PACS2: variants seen among roughly 807,000 people sequenced by gnomAD.
PACS2 encodes PACS1-like protein.
PACS2 carries 36 observed loss-of-function variants against 113.0 expected under a neutral mutation model. The observed-to-expected ratio is 0.32, with a 90% confidence interval of 0.24 to 0.42. PACS2 has a LOEUF of 0.42. Ranked by LOEUF, PACS2 falls within the 10% of genes least tolerant of loss-of-function variation. The pLI, the probability that PACS2 is intolerant of heterozygous loss-of-function variation, is 1.00. For missense variants in PACS2, 1,015 were observed against 1,239.5 expected, an observed-to-expected ratio of 0.82 and a Z score of 2.72; for synonymous variants, 589 against 536.1, an observed-to-expected ratio of 1.10 and a Z score of -1.36.
At chr14:105,350,976 C>T (rs936985131) in intron 2 of PACS2, among the ~76,000 whole-genome samples, 8 of 152,334 alleles carry the variant, frequency 5.3e-5, no homozygotes, top group African/African-American at 9.6e-5. Flanking sequence ...CCGCCATGGA[C>T]GTCTCATGGA....
At chr14:105,344,631 G>A (rs1464050024) in intron 1 of PACS2, among the ~76,000 whole-genome samples, 2 of 152,004 alleles carry the variant, frequency 1.3e-5, no homozygotes, top group Non-Finnish European at 2.9e-5. Flanking sequence ...TTCTGATAAT[G>A]GCAACTTTTG....
chr14:105,310,545 A>G, upstream of PACS2, among the ~76,000 whole-genome samples: 1 of 150,518 alleles, frequency 6.6e-6, no homozygotes, highest in African/African-American at 2.4e-5. Flanking sequence ...AAAAAAAAAA[A>G]AAAAAAAAAA....
chr14:105,368,141 G>A lies in PACS2; in HGVS notation c.654G>A (p.Gln218=). Residue 218 remains glutamine, a synonymous_variant, in exon 6 of 25, where the codon CAG becomes CAA. Transcript: ENST00000447393. ...AGGAGGCCAGTGACGACGCCGTGCA[G>A]GGGCAGGTGACCTGGGGCCGGGGCT... is the stretch of plus-strand genomic sequence containing the variant. ...SEQEASDDAV[Q]GQDLDEDDFD... is the part of the protein sequence containing the mutation. 6.2e-7 allele frequency: 1 copy of A among 1,606,798 alleles called. No individual in the cohort carries two copies. The highest frequency in any genetic ancestry group is 8.5e-7 in the Non-Finnish European group (1 of 1,176,224).
At position 105,368,101 on chromosome 14, in the gene PACS2, G is replaced by A; in HGVS notation, c.614G>A (p.Ser205Asn). 6.2e-7 allele frequency: 1 copy of A among 1,611,086 alleles called. No individual in the cohort carries two copies. The highest frequency in any genetic ancestry group is 8.5e-7 in the Non-Finnish European group (1 of 1,178,038). Residue 205 changes from serine (S) to asparagine (N), a missense_variant, in exon 6 of 25, where the codon AGC (serine) becomes AAC (asparagine). Coordinates refer to ENST00000447393, the MANE Select transcript of PACS2 (RefSeq NM_001100913.3). ...TDNYSEEEYE[S>N]FSSEQEASDD... ...AACTACTCCGAGGAGGAGTATGAGAGCTTCTCCTCCGAGCAGGAGGCCAGT... is the reference window on the plus strand; with the variant it reads ...AACTACTCCGAGGAGGAGTATGAGAACTTCTCCTCCGAGCAGGAGGCCAGT...
chr14:105,392,111 T>C, intron 22 of PACS2: 1 of 367,200 alleles, frequency 2.7e-6, no homozygotes, highest in South Asian at 3.7e-5. Flanking sequence ...CCTCATGGGA[T>C]GAGCTTCGAT....
rs781944618 is a variant in PACS2, at chr14:105,382,060, T to C, written c.1413+2T>C. The C allele has an allele frequency of 5.8e-6, 9 of 1,547,196 alleles. No homozygotes were observed. In the East Asian group the frequency reaches 1.2e-4, roughly 21 times the overall value. On this transcript the variant is annotated splice_donor_variant, in intron 13 of 24. Coordinates refer to ENST00000447393, the MANE Select transcript of PACS2 (RefSeq NM_001100913.3). LOFTEE classifies it high-confidence loss of function. ...AGCCAGCTACAGGTGCAGCTGCAGG[T>C]GGGGGTGGAGGGCGTGGCACGCCCA...
At chr14:105,349,276 C>T (rs587744875) in intron 2 of PACS2, among the ~76,000 whole-genome samples, 7 of 152,368 alleles carry the variant, frequency 4.6e-5, no homozygotes, top group South Asian at 2.1e-4. Flanking sequence ...CCACCGCCAG[C>T]GGGCTCTCCC....
At chr14:105,379,980 G>A in intron 10 of PACS2, 100 bp from the exon 11 acceptor site, 1 of 1,336,462 alleles carries the variant, frequency 7.5e-7, no homozygotes, top group Non-Finnish European at 1.1e-6. Context: ...TGCCACGCAG[G>A]TACCCCGGGC....
At chr14:105,314,580 T>C (rs899819188), upstream of PACS2, 9 of 144,466 alleles carry the variant, frequency 6.2e-5, no homozygotes, top group South Asian at 4.2e-4. Context: ...CGCACCTCAC[T>C]TCCGGCGCGC....
intron 4 of PACS2, among the ~76,000 whole-genome samples, chr14:105,360,621 G>A (rs1349941821): frequency 5.9e-5 from 9 of 152,032 alleles, no homozygotes; most frequent in Non-Finnish European, 1.0e-4. Context: ...GCTGGTGGGG[G>A]TCCTTAGTGT....
chr14:105,384,941 C>A lies in PACS2; in HGVS notation c.1954C>A (p.His652Asn). The A allele has an allele frequency of 6.2e-7, 1 of 1,600,242 alleles. No individual in the cohort carries two copies. The highest frequency in any genetic ancestry group is 1.7e-5 in the Admixed American group (1 of 58,376). ...TQYIAGANCAHQLPIAEAMLT... is the reference protein window; with the variant it reads ...TQYIAGANCANQLPIAEAMLT... ...GTACATCGCAGGGGCCAACTGTGCC[C>A]ACCAGCTCCCCATCGCAGAGGCCAT... is the stretch of plus-strand genomic sequence containing the variant. Residue 652 changes from histidine (H) to asparagine (N), a missense_variant, in exon 18 of 25, where the codon CAC (histidine) becomes AAC (asparagine). Around this residue, in one of 3 missense-constraint regions of PACS2, gnomAD observed 859 missense variants for 1,056.8 expected, o/e 0.81. Coordinates refer to ENST00000447393, the MANE Select transcript of PACS2 (RefSeq NM_001100913.3).
At position 105,376,255 on chromosome 14, in the gene PACS2, G is replaced by A. The variant is rs1455220510; in HGVS notation, c.802-513G>A. On this transcript the variant is annotated intron_variant, in intron 8 of 24. Coordinates refer to ENST00000447393, the MANE Select transcript of PACS2 (RefSeq NM_001100913.3). The surrounding 1 kb of genome is among the most constrained non-coding windows in gnomAD (Gnocchi z 4.7). ...AACATGAAGTGTGCCACGCTGGGTG[G>A]ATGACGCCCTCCTCCCCCCGCCACC... Among the ~76,000 whole-genome samples, 1 of 151,682 alleles carries A rather than the reference G, an allele frequency of 6.6e-6. No homozygotes were observed. The highest frequency in any genetic ancestry group is 1.9e-4 in the East Asian group (1 of 5,158).
Position 105,387,786 on chromosome 14 carries a change from T to TG in PACS2, c.2033+2076dup, listed in dbSNP as rs587655780. 1.2e-3 allele frequency among the ~76,000 whole-genome samples: 185 copies of TG among 152,238 alleles called. 1 individual carries two copies. The highest frequency in any genetic ancestry group is 4.4e-3 in the African/African-American group (181 of 41,540). ...GGCCAGCCTGCCATGGCTGGCTCGG[T>TG]GGGGGGGTCTGGCTCGGCAGAGGGC... is the stretch of plus-strand genomic sequence containing the variant. On this transcript the variant is annotated intron_variant, in intron 19 of 24. Transcript: ENST00000447393.
chr14:105,333,843 A>G (rs1171794032), intron 1 of PACS2, among the ~76,000 whole-genome samples: 2 of 152,196 alleles, frequency 1.3e-5, no homozygotes, highest in Non-Finnish European at 2.9e-5. Flanking sequence ...GGAGGCCTGC[A>G]GTGTGAGGCG....
chr14:105,379,698 C>A, intron 9 of PACS2, 41 bp from the exon 10 acceptor site: 1 of 1,535,990 alleles, frequency 6.5e-7, no homozygotes, highest in South Asian at 1.1e-5. Flanking sequence ...AAGAAGGGTC[C>A]TGGAAATTAA....
intron 2 of PACS2, among the ~76,000 whole-genome samples, chr14:105,351,337 T>C (rs2060170754): frequency 6.6e-6 from 1 of 152,242 alleles, no homozygotes; most frequent in African/African-American, 2.4e-5. Flanking sequence ...TGACTCGTTA[T>C]CCATTTAGCA....
At chr14:105,391,828 C>T in intron 22 of PACS2, 62 bp downstream of exon 22, 2 of 1,479,556 alleles carry the variant, frequency 1.4e-6, no homozygotes, top group South Asian at 1.3e-5. Context: ...CTGCCTGATT[C>T]AGTCATCCTC....
At chr14:105,384,566 C>A in intron 17 of PACS2, 103 bp downstream of exon 17, 1 of 723,248 alleles carries the variant, frequency 1.4e-6, no homozygotes, top group Non-Finnish European at 2.3e-6. Flanking sequence ...TCAGGCTCAG[C>A]CTCAGGGAAG....
chr14:105,363,952 C>A (rs1441457697), intron 4 of PACS2, among the ~76,000 whole-genome samples: 1 of 151,996 alleles, frequency 6.6e-6, no homozygotes, highest in Non-Finnish European at 1.5e-5. Flanking sequence ...TGGGAATGGC[C>A]GGTGGGCTGA....
Sources: gnomAD v4.1 joint callset for allele counts (sites outside exome capture counted in the v4.1 genomes callset) on GRCh38, gnomAD v4.1.1 for gene constraint, gnomAD v4.1.1 regional missense constraint, Gnocchi (gnomAD v3.1) non-coding constraint, MANE v1.5 for transcripts, NCBI Gene and HGNC (gene_info 2026-07-23, HGNC 2026-07-21) for gene names.